TRMT13: variants seen among roughly 807,000 people sequenced by gnomAD.
TRMT13 encodes the protein tRNA:m(4)X modification enzyme TRM13 homolog.
In TRMT13, 45 loss-of-function variants were observed where a neutral mutation model predicts 55.9. The ratio of observed to expected loss-of-function variants is 0.80; its 90% confidence interval spans 0.63 to 1.03. The LOEUF is 1.03. TRMT13 is among the 50% of genes least tolerant of loss of function. The pLI, the probability that TRMT13 is intolerant of heterozygous loss-of-function variation, is 0.00. For missense variants in TRMT13, 513 were observed against 563.9 expected, an observed-to-expected ratio of 0.91 and a Z score of 0.91; for synonymous variants, 183 against 196.3, an observed-to-expected ratio of 0.93 and a Z score of 0.57.
intron 6 of TRMT13, 61 bp downstream of exon 6, chr1:100,140,575 A>C (rs1218968823): frequency 8.2e-7 from 1 of 1,222,118 alleles, no homozygotes; most frequent in Non-Finnish European, 1.2e-6. Context: ...AAACTGTTTT[A>C]AATGTAATTA....
chr1:100,133,853 C>G (rs1479417993), intron 1 of TRMT13, among the ~76,000 whole-genome samples: 1 of 152,112 alleles, frequency 6.6e-6, no homozygotes, highest in Non-Finnish European at 1.5e-5. Flanking sequence ...CGAGACCAGC[C>G]TGGCCAACAT....
At chr1:100,142,172 G>A (rs1037755635) in intron 7 of TRMT13, among the ~76,000 whole-genome samples, 2 of 152,166 alleles carry the variant, frequency 1.3e-5, no homozygotes, top group Non-Finnish European at 2.9e-5. Flanking sequence ...AATCCTATGG[G>A]AGCATGAAGA....
chr1:100,137,598 A>G (rs1656044926), intron 3 of TRMT13, among the ~76,000 whole-genome samples: 1 of 152,184 alleles, frequency 6.6e-6, no homozygotes. Flanking sequence ...AAGGGCTGCC[A>G]TGCGATCCAG....
chr1:100,148,356 C>G (rs757222925), intron 10 of TRMT13, 30 bp downstream of exon 10: 1 of 1,581,404 alleles, frequency 6.3e-7, no homozygotes, highest in Non-Finnish European at 8.6e-7. Flanking sequence ...ATGCATGATA[C>G]TAAAGGAGAA....
Position 100,144,154 on chromosome 1 carries a change from A to C in TRMT13, c.817+11A>C. 6.2e-7 allele frequency: 1 copy of C among 1,609,648 alleles called. No homozygotes were observed. The highest frequency in any genetic ancestry group is 8.5e-7 in the Non-Finnish European group (1 of 1,176,258). ...GTGGTATGGCAACAGGTACGTAAAC[A>C]TACTGATAATGTTTACATTAATGCA... On this transcript the variant is annotated intron_variant, in intron 9 of 10. Coordinates refer to ENST00000370141, the MANE Select transcript of TRMT13 (RefSeq NM_019083.3).
chr1:100,144,208 C>A, intron 9 of TRMT13, 65 bp downstream of exon 9: 3 of 1,130,114 alleles, frequency 2.7e-6, no homozygotes, highest in South Asian at 2.5e-5. Context: ...TGGCCCCAAC[C>A]ATTTCAGTGG....
rs1373317962 is a variant in TRMT13, at chr1:100,144,104, G to A, written c.778G>A (p.Val260Met). Residue 260 changes from valine (V) to methionine (M), a missense_variant, in exon 9 of 11, where the codon GTG becomes ATG. By Grantham distance (21) the Val-to-Met change is conservative. Coordinates refer to ENST00000370141, the MANE Select transcript of TRMT13 (RefSeq NM_019083.3). ...IPVLREEKLP[V>M]VGIGKHLCGM... ...TGTGCTAAGAGAAGAAAAACTACCT[G>A]TGGTAGGAATTGGAAAGCATCTGTG... The A allele has an allele frequency of 1.2e-6, 2 of 1,613,368 alleles. No individual in the cohort carries two copies. Among genetic ancestry groups the A allele is most frequent in the Non-Finnish European group, 1.7e-6 (2 of 1,179,574 alleles).
chr1:100,143,463 T>C lies in TRMT13; in HGVS notation c.742+254T>C, dbSNP rs1045509316. On this transcript the variant is annotated intron_variant, in intron 8 of 10. Coordinates refer to ENST00000370141, the MANE Select transcript of TRMT13 (RefSeq NM_019083.3). Reference sequence around the variant, plus strand: ...GGAAGAGTTTAAAAGTTTTATAATATGTACTTCTGTTGTTTCTTTGTCCTG... The same window carrying C: ...GGAAGAGTTTAAAAGTTTTATAATACGTACTTCTGTTGTTTCTTTGTCCTG... Among the ~76,000 whole-genome samples the C allele has an allele frequency of 3.3e-5, 5 of 152,218 alleles. No homozygotes were observed. The East Asian group carries it at 9.6e-4, about 29-fold the overall frequency.
At chr1:100,135,859 A>G (rs1427513497) in intron 1 of TRMT13, among the ~76,000 whole-genome samples, 1 of 152,232 alleles carries the variant, frequency 6.6e-6, no homozygotes, top group Non-Finnish European at 1.5e-5. Context: ...GACCGCATAT[A>G]TGATGGTGGT....
At chr1:100,134,163 AC>A in intron 1 of TRMT13, among the ~76,000 whole-genome samples, 1 of 152,152 alleles carries the variant, frequency 6.6e-6, no homozygotes, top group African/African-American at 2.4e-5. Context: ...ATACGAATTG[AC>A]CTTTTACAAT....
intron 1 of TRMT13, among the ~76,000 whole-genome samples, chr1:100,134,407 T>C (rs1052680744): frequency 8.5e-5 from 13 of 152,188 alleles, no homozygotes; most frequent in Admixed American, 8.5e-4. Flanking sequence ...TTCAGTATTA[T>C]TTGCATTATT....
At position 100,149,147 on chromosome 1, in the gene TRMT13, A is replaced by G; in HGVS notation, c.*327A>G. 6.4e-7 allele frequency: 1 copy of G among 1,564,048 alleles called. No individual in the cohort carries two copies. Among genetic ancestry groups the G allele is most frequent in the Non-Finnish European group, 8.6e-7 (1 of 1,163,222 alleles). ...ACATAATTAGCGTATTTCTGTTTGTATTAATTTTGGAAATTTATCTTCCTT... is the reference window on the plus strand; with the variant it reads ...ACATAATTAGCGTATTTCTGTTTGTGTTAATTTTGGAAATTTATCTTCCTT... On this transcript the variant is annotated 3_prime_UTR_variant, in exon 11 of 11. Coordinates refer to ENST00000370141, the MANE Select transcript of TRMT13 (RefSeq NM_019083.3).
chr1:100,133,208 C>A lies in TRMT13; in HGVS notation c.40C>A (p.Pro14Thr), dbSNP rs1272494375. 6.2e-7 allele frequency: 1 copy of A among 1,614,132 alleles called. No homozygotes were observed. The highest frequency in any genetic ancestry group is 1.1e-5 in the South Asian group (1 of 91,070). ...GACGTCGCCGCACGCGCCTGGTTTTCCAGCTGAGGGTAGATGCGGTTACTA... is the reference window on the plus strand; with the variant it reads ...GACGTCGCCGCACGCGCCTGGTTTTACAGCTGAGGGTAGATGCGGTTACTA... ...SATSPHAPGF[P>T]AEGRCGYYVE... The change falls in exon 1 of 11, where the codon CCA becomes ACA. Residue 14 changes from proline (P) to threonine (T), a missense_variant. Pro to Thr is a conservative substitution (Grantham distance 38). Coordinates refer to ENST00000370141, the MANE Select transcript of TRMT13 (RefSeq NM_019083.3).
At position 100,149,566 on chromosome 1, in the gene TRMT13, T is replaced by C; in HGVS notation, c.*746T>C. On this transcript the variant is annotated 3_prime_UTR_variant, in exon 11 of 11. Coordinates refer to ENST00000370141, the MANE Select transcript of TRMT13 (RefSeq NM_019083.3). ...TAATTTCTGAAGTTGATTAGCTATC[T>C]CATATCTTTTATCAGGTCATTTTTT... 1.2e-6 allele frequency: 1 copy of C among 808,846 alleles called. No individual in the cohort carries two copies. The highest frequency in any genetic ancestry group is 3.0e-5 in the East Asian group (1 of 32,990). The allele number at this position is 808,846 out of a possible 1,614,324, so 50.1% of individuals were successfully genotyped here.
At chr1:100,136,975 A>G in intron 2 of TRMT13, 44 bp from the exon 3 acceptor site, 1 of 1,603,012 alleles carries the variant, frequency 6.2e-7, no homozygotes, top group South Asian at 1.1e-5. Context: ...GGAAACAGTA[A>G]TTGGCACAAG....
Position 100,141,037 on chromosome 1 carries a change from T to C in TRMT13, c.669+18T>C. 1 of 1,585,220 alleles carries C rather than the reference T, an allele frequency of 6.3e-7. No homozygotes were observed. The highest frequency in any genetic ancestry group is 8.6e-7 in the Non-Finnish European group (1 of 1,166,442). Reference sequence around the variant, plus strand: ...GATTCAAGGTAAGTGAAACCATTGCTCTGTGTTAGTAACCAAACTTGTTTT... The same window carrying C: ...GATTCAAGGTAAGTGAAACCATTGCCCTGTGTTAGTAACCAAACTTGTTTT... On this transcript the variant is annotated intron_variant, in intron 7 of 10. Transcript: ENST00000370141.
Position 100,140,985 on chromosome 1 carries a change from T to G in TRMT13, c.635T>G (p.Phe212Cys). The part of the protein sequence containing the change: ...IALKDAEKVH[F>C]ILVEKVTTRF... ...TTAAAAGATGCTGAAAAAGTTCACT[T>G]CATCCTAGTGGAAAAGGTGACCACA... is the stretch of plus-strand genomic sequence containing the variant. Residue 212 changes from phenylalanine to cysteine, a missense_variant, in exon 7 of 11, where the codon TTC becomes TGC. Phe to Cys is a radical substitution (Grantham distance 205). Coordinates refer to ENST00000370141, the MANE Select transcript of TRMT13 (RefSeq NM_019083.3). 1.2e-6 allele frequency: 2 copies of G among 1,613,382 alleles called. No individual in the cohort carries two copies. Among genetic ancestry groups the G allele is most frequent in the Non-Finnish European group, 1.7e-6 (2 of 1,179,588 alleles).
chr1:100,136,953 T>TC, intron 2 of TRMT13, 25 bp downstream of exon 2: 1 of 1,600,628 alleles, frequency 6.2e-7, no homozygotes, highest in South Asian at 1.1e-5. Context: ...GATACGGGTT[T>TC]TTTTTTGTGC....
chr1:100,147,546 T>C lies in TRMT13; in HGVS notation c.818-348T>C, dbSNP rs143719696. Among the ~76,000 whole-genome samples, 509 of 152,296 alleles carry C rather than the reference T, an allele frequency of 3.3e-3. 1 individual carries two copies. The highest frequency in any genetic ancestry group is 0.012 in the African/African-American group (485 of 41,568). On this transcript the variant is annotated intron_variant, in intron 9 of 10. Transcript: ENST00000370141. ...TCTTAAACTAGAATGTAAGTGTAGGTGAATAAAGTTTTCCCATACAAGTCA... is the reference window on the plus strand; with the variant it reads ...TCTTAAACTAGAATGTAAGTGTAGGCGAATAAAGTTTTCCCATACAAGTCA...
Sources: gnomAD v4.1 joint callset for allele counts (sites outside exome capture counted in the v4.1 genomes callset) on GRCh38, gnomAD v4.1.1 for gene constraint, MANE v1.5 for transcripts, NCBI Gene and HGNC (gene_info 2026-07-23, HGNC 2026-07-21) for gene names.